FBXO4: variants seen among roughly 807,000 people sequenced by gnomAD.
The protein encoded by FBXO4 is F-box protein 4.
A neutral mutation model predicts 43.7 loss-of-function variants in FBXO4; 36 were observed. The ratio of observed to expected loss-of-function variants is 0.82; its 90% CI spans 0.63 to 1.09. FBXO4 has a LOEUF of 1.09. Among genes scored for constraint, FBXO4 ranks in the 50% least tolerant of loss-of-function variants. The pLI, the probability that FBXO4 is intolerant of heterozygous loss-of-function variation, is 0.00. For synonymous variants in FBXO4, 180 were observed against 165.6 expected, an observed-to-expected ratio of 1.09 and a Z score of -0.67; for missense variants, 435 against 474.1, an observed-to-expected ratio of 0.92 and a Z score of 0.77.
chr5:41,940,320 G>T (rs187453740), intron 6 of FBXO4, among the ~76,000 whole-genome samples: 71 of 152,100 alleles, frequency 4.7e-4, no homozygotes, highest in African/African-American at 1.7e-3. Context: ...GTAGTGCAGT[G>T]GTGCAATTTT....
At chr5:42,016,001 A>G in the FBXO4 span, among the ~76,000 whole-genome samples, 2 of 152,178 alleles carry the variant, frequency 1.3e-5, no homozygotes, top group Admixed American at 6.6e-5. Flanking sequence ...GGAAAACATT[A>G]AAAGTGCATT....
At chr5:42,017,063 T>C in the FBXO4 span, among the ~76,000 whole-genome samples, 4 of 151,952 alleles carry the variant, frequency 2.6e-5, no homozygotes, top group African/African-American at 9.7e-5. Flanking sequence ...TAAAAGAAAA[T>C]GTTTCTTTTA....
At chr5:42,035,382 G>A in the FBXO4 span, among the ~76,000 whole-genome samples, 2,432 of 152,074 alleles carry the variant, frequency 0.016, 123 homozygotes, top group East Asian at 0.1. Flanking sequence ...GGTGAGAGAG[G>A]GCATCCTTGT....
At chr5:41,927,327 A>C in intron 2 of FBXO4, 79 bp downstream of exon 2, 1 of 1,030,062 alleles carries the variant, frequency 9.7e-7, no homozygotes. Flanking sequence ...GTTAATCCTG[A>C]CCCTGCTACT....
chr5:41,947,834 T>C, the FBXO4 span, among the ~76,000 whole-genome samples: 1 of 152,186 alleles, frequency 6.6e-6, no homozygotes, highest in Non-Finnish European at 1.5e-5. Context: ...GACATCAATA[T>C]GATCAGTGCT....
At chr5:41,979,844 C>T in the FBXO4 span, among the ~76,000 whole-genome samples, 1 of 152,182 alleles carries the variant, frequency 6.6e-6, no homozygotes, top group Non-Finnish European at 1.5e-5. Flanking sequence ...TTGCTAAAGA[C>T]TTCAGGTACA....
chr5:41,942,993 G>A (rs1752026729), downstream of FBXO4, among the ~76,000 whole-genome samples: 1 of 152,088 alleles, frequency 6.6e-6, no homozygotes, highest in Non-Finnish European at 1.5e-5. Context: ...GCTGTGTCAG[G>A]CAATGTGTAT....
At chr5:41,988,506 G>A in the FBXO4 span, among the ~76,000 whole-genome samples, 1 of 152,134 alleles carries the variant, frequency 6.6e-6, no homozygotes. Flanking sequence ...AAAAGTGTTG[G>A]GGCCTTGATG....
chr5:41,961,516 C>G, the FBXO4 span, among the ~76,000 whole-genome samples: 1 of 152,182 alleles, frequency 6.6e-6, no homozygotes, highest in Non-Finnish European at 1.5e-5. Context: ...CCCTGCTCCC[C>G]TGTCAGTAAC....
At chr5:42,033,940 T>A in the FBXO4 span, among the ~76,000 whole-genome samples, 478 of 152,332 alleles carry the variant, frequency 3.1e-3, 4 homozygotes, top group African/African-American at 0.011. Flanking sequence ...CACCACACTG[T>A]ATTCAGCAAT....
downstream of FBXO4, among the ~76,000 whole-genome samples, chr5:41,944,347 C>G (rs763833327): frequency 6.6e-6 from 1 of 152,174 alleles, no homozygotes; most frequent in Non-Finnish European, 1.5e-5. Flanking sequence ...TAAATCATGA[C>G]AGATGTGTAG....
chr5:42,039,131 CT>C, the FBXO4 span, among the ~76,000 whole-genome samples: 1 of 151,942 alleles, frequency 6.6e-6, no homozygotes, highest in Non-Finnish European at 1.5e-5. Flanking sequence ...TGACCTTGTT[CT>C]TTGCAAAAAA....
chr5:41,984,868 A>G, the FBXO4 span, among the ~76,000 whole-genome samples: 3 of 152,084 alleles, frequency 2.0e-5, no homozygotes, highest in Non-Finnish European at 4.4e-5. Context: ...CTCTGTTGAC[A>G]CCCTGAGCTG....
At chr5:42,023,925 T>C in the FBXO4 span, among the ~76,000 whole-genome samples, 2 of 152,010 alleles carry the variant, frequency 1.3e-5, no homozygotes, top group Non-Finnish European at 2.9e-5. Flanking sequence ...ATTGCTGTTC[T>C]CCACACCAAA....
chr5:41,948,108 G>T, the FBXO4 span, among the ~76,000 whole-genome samples: 2 of 149,738 alleles, frequency 1.3e-5, no homozygotes, highest in Non-Finnish European at 3.0e-5. Flanking sequence ...TGACCTTATT[G>T]TTAGCCACAT....
the FBXO4 span, among the ~76,000 whole-genome samples, chr5:41,980,663 C>T: frequency 6.6e-6 from 1 of 151,698 alleles, no homozygotes; most frequent in African/African-American, 2.4e-5. Context: ...TTTTTTTTGC[C>T]AAATGTATGC....
the FBXO4 span, among the ~76,000 whole-genome samples, chr5:42,019,787 T>C: frequency 0.11 from 16,705 of 151,924 alleles, 1,447 homozygotes; most frequent in African/African-American, 0.24. Flanking sequence ...ATTAAAATAA[T>C]ATGTAATTTT....
At chr5:41,999,528 T>TGTATATATGC in the FBXO4 span, among the ~76,000 whole-genome samples, 1 of 109,062 alleles carries the variant, frequency 9.2e-6, no homozygotes, top group Non-Finnish European at 1.7e-5. Flanking sequence ...TATATACATA[T>TGTATATATGC]ATATATACAT....
At chr5:41,978,268 A>C in the FBXO4 span, among the ~76,000 whole-genome samples, 16 of 152,224 alleles carry the variant, frequency 1.1e-4, no homozygotes, top group African/African-American at 3.6e-4. Flanking sequence ...TGAGGGATCT[A>C]CCCCTGTGAA....
Sources: allele counts gnomAD v4.1 joint callset (sites outside exome capture counted in the v4.1 genomes callset), GRCh38; gene constraint gnomAD v4.1.1; transcripts MANE v1.5; gene names NCBI Gene and HGNC (gene_info 2026-07-23, HGNC 2026-07-21).